Variants in ZNHIT6 observed in about 807,000 individuals in gnomAD.
ZNHIT6 encodes the protein box C/D snoRNA protein 1.
Under a neutral mutation model 57.2 loss-of-function variants are expected in ZNHIT6, and 45 were observed. The observed-to-expected ratio is 0.79, with a 90% confidence interval of 0.62 to 1.01. ZNHIT6 has a LOEUF of 1.01. ZNHIT6 is among the 50% of genes least tolerant of loss of function. The pLI is 0.00. For synonymous variants in ZNHIT6, 188 were observed against 190.0 expected, an observed-to-expected ratio of 0.99 and a Z score of 0.09; for missense variants, 528 against 567.3, an observed-to-expected ratio of 0.93 and a Z score of 0.70.
chr1:85,677,955 C>T lies in ZNHIT6; in HGVS notation c.1170-642G>A, dbSNP rs117936628. On this transcript the variant is annotated intron_variant, in intron 7 of 9. Transcript: ENST00000370574. The stretch of plus-strand genomic sequence containing the variant: ...AGTAGTGTCTACTATATGCTAGGTC[C>T]TGTACTAGGAATTTCATATATGCTA... Among the ~76,000 whole-genome samples, 1,414 of 152,266 alleles carry T rather than the reference C, an allele frequency of 9.3e-3. 58 individuals carry two copies. The highest frequency in any genetic ancestry group is 0.063 in the Admixed American group (958 of 15,292).
At chr1:85,676,292 C>T (rs567325492) in intron 8 of ZNHIT6, among the ~76,000 whole-genome samples, 104 of 149,416 alleles carry the variant, frequency 7.0e-4, no homozygotes, top group African/African-American at 2.5e-3. Context: ...ACCGAGATCA[C>T]GCCATTGCAC....
At chr1:85,656,130 AGAAT>A (rs201391973) in intron 9 of ZNHIT6, among the ~76,000 whole-genome samples, 1,556 of 152,302 alleles carry the variant, frequency 0.01, 23 homozygotes, top group African/African-American at 0.036. Context: ...TGATGCTGTG[AGAAT>A]GTATAAAGAA....
intron 8 of ZNHIT6, among the ~76,000 whole-genome samples, chr1:85,665,730 T>C (rs968564105): frequency 6.6e-6 from 1 of 152,216 alleles, no homozygotes; most frequent in Non-Finnish European, 1.5e-5. Context: ...TGAATGCAAG[T>C]GTCTCATCAG....
chr1:85,683,104 C>T (rs1176464316), intron 5 of ZNHIT6, among the ~76,000 whole-genome samples: 1 of 152,202 alleles, frequency 6.6e-6, no homozygotes, highest in Admixed American at 6.5e-5. Flanking sequence ...ATAGTCCCAG[C>T]TACTCTGGAG....
rs531365925 is a variant in ZNHIT6, at chr1:85,672,059, T to C, written c.1247+5177A>G. 3.3e-5 allele frequency among the ~76,000 whole-genome samples: 5 copies of C among 152,318 alleles called. No homozygotes were observed. The East Asian group carries it at 9.6e-4, about 29-fold the overall frequency. On this transcript the variant is annotated intron_variant, in intron 8 of 9. Coordinates refer to ENST00000370574, the MANE Select transcript of ZNHIT6 (RefSeq NM_017953.4). ...ATAATATTACTATTTTTTACTAGTATACAGTTTCACTCTGAAGATATCCTA... is the reference window on the plus strand; with the variant it reads ...ATAATATTACTATTTTTTACTAGTACACAGTTTCACTCTGAAGATATCCTA...
At chr1:85,682,045 G>A (rs1305675880) in intron 5 of ZNHIT6, among the ~76,000 whole-genome samples, 43 of 127,502 alleles carry the variant, frequency 3.4e-4, no homozygotes, top group Non-Finnish European at 5.5e-4. Context: ...ACGGAGTTTC[G>A]CTCTGTTGCC....
intron 5 of ZNHIT6, 117 bp from the exon 6 acceptor site, chr1:85,681,021 T>C (rs976233862): frequency 4.4e-6 from 3 of 677,330 alleles, no homozygotes; most frequent in South Asian, 2.3e-5. Flanking sequence ...GACTTTAACA[T>C]ATATTTTCTA....
At chr1:85,680,772 G>A in intron 6 of ZNHIT6, 64 bp downstream of exon 6, 1 of 1,279,004 alleles carries the variant, frequency 7.8e-7, no homozygotes, top group Non-Finnish European at 1.1e-6. Context: ...TAAGTTAACA[G>A]TTTATTTTAA....
chr1:85,668,787 C>G (rs1438896520), intron 8 of ZNHIT6, among the ~76,000 whole-genome samples: 43 of 152,128 alleles, frequency 2.8e-4, no homozygotes, highest in Admixed American at 2.8e-3. Context: ...TTAAAAAAAT[C>G]CATTCTAATA....
chr1:85,688,744 G>A (rs1197412353), intron 5 of ZNHIT6, among the ~76,000 whole-genome samples: 1 of 152,124 alleles, frequency 6.6e-6, no homozygotes, highest in Non-Finnish European at 1.5e-5. Context: ...AGTAATGTTG[G>A]GAGAGAAGCA....
At chr1:85,676,731 C>T (rs1661714429) in intron 8 of ZNHIT6, among the ~76,000 whole-genome samples, 1 of 151,834 alleles carries the variant, frequency 6.6e-6, no homozygotes, top group Non-Finnish European at 1.5e-5. Context: ...GTGGTGCACC[C>T]AAAGCAATTA....
intron 5 of ZNHIT6, among the ~76,000 whole-genome samples, chr1:85,682,859 G>A (rs566054652): frequency 2.0e-5 from 3 of 152,322 alleles, no homozygotes; most frequent in African/African-American, 4.8e-5. Context: ...GATAACAGTA[G>A]ATGATTCTTT....
At chr1:85,681,818 G>C (rs182669785) in intron 5 of ZNHIT6, among the ~76,000 whole-genome samples, 19 of 152,202 alleles carry the variant, frequency 1.2e-4, no homozygotes, top group Non-Finnish European at 5.9e-5. Context: ...TAATCTAAAG[G>C]ACAGATGTCT....
rs967472650 is a variant in ZNHIT6 at position 85,651,121 on chromosome 1, G to T, written c.*2937C>A. The stretch of plus-strand genomic sequence containing the variant: ...TATAAAGAAAATTGTTGGCATTATA[G>T]TTATGTGATTAACATTTTAATTATA... On this transcript the variant is annotated 3_prime_UTR_variant, in exon 10 of 10. Coordinates refer to ENST00000370574, the MANE Select transcript of ZNHIT6 (RefSeq NM_017953.4). 2.6e-5 allele frequency: 4 copies of T among 152,118 alleles called. No homozygotes were observed. Among genetic ancestry groups the T allele is most frequent in the African/African-American group, 9.7e-5 (4 of 41,408 alleles). The allele number at this position is 152,118 out of a possible 1,614,324, so 9.4% of individuals were successfully genotyped here.
intron 7 of ZNHIT6, among the ~76,000 whole-genome samples, 193 bp from the exon 8 acceptor site, chr1:85,677,506 CT>C (rs1557851056): frequency 6.6e-6 from 1 of 152,124 alleles, no homozygotes; most frequent in Non-Finnish European, 1.5e-5. Flanking sequence ...AATTAAACAT[CT>C]TAAATTTTAA....
rs549510788 is a variant in ZNHIT6, at chr1:85,682,165, C to T, written c.1020-1261G>A. ...TAGCTGGGACTACAGGTGCTCGCCA[C>T]CACGCCCGGCTAATTTTTTTTTTTT... On this transcript the variant is annotated intron_variant, in intron 5 of 9. Coordinates refer to ENST00000370574, the MANE Select transcript of ZNHIT6 (RefSeq NM_017953.4). 3.4e-5 allele frequency among the ~76,000 whole-genome samples: 5 copies of T among 148,164 alleles called. No individual in the cohort carries two copies. The South Asian group carries it at 1.1e-3, about 33-fold the overall frequency.
intron 5 of ZNHIT6, among the ~76,000 whole-genome samples, chr1:85,693,243 A>G (rs532215460): frequency 6.6e-6 from 1 of 152,156 alleles, no homozygotes; most frequent in Non-Finnish European, 1.5e-5. Flanking sequence ...GTCCAAGCAG[A>G]CAGCAGTACC....
At chr1:85,683,892 T>C (rs538205893) in intron 5 of ZNHIT6, among the ~76,000 whole-genome samples, 19 of 152,118 alleles carry the variant, frequency 1.2e-4, no homozygotes, top group African/African-American at 4.1e-4. Flanking sequence ...ATCCTAGGAC[T>C]CCACCCTCTA....
At chr1:85,687,581 C>T (rs1199302700) in intron 5 of ZNHIT6, among the ~76,000 whole-genome samples, 2 of 152,070 alleles carry the variant, frequency 1.3e-5, no homozygotes, top group Non-Finnish European at 2.9e-5. Context: ...ATTCATCATC[C>T]TACTACTTAA....
Sources: allele counts gnomAD v4.1 joint callset (sites outside exome capture counted in the v4.1 genomes callset), GRCh38; gene constraint gnomAD v4.1.1; transcripts MANE v1.5; gene names NCBI Gene and HGNC (gene_info 2026-07-23, HGNC 2026-07-21).